VPS13A: variants seen among roughly 807,000 people sequenced by gnomAD.
VPS13A encodes the protein intermembrane lipid transfer protein VPS13A.
In VPS13A, 264 loss-of-function variants were observed where a neutral mutation model predicts 390.9. That is an observed-to-expected ratio of 0.68 (90% CI 0.61 to 0.75). VPS13A has a LOEUF of 0.75. Among genes scored for constraint, VPS13A ranks in the 30% least tolerant of loss-of-function variants. The pLI is 0.00. For synonymous variants in VPS13A, 1,231 were observed against 1,227.1 expected, an observed-to-expected ratio of 1.00 and a Z score of -0.07; for missense variants, 3,409 against 3,733.9, an observed-to-expected ratio of 0.91 and a Z score of 2.27.
In VPS13A at chr9:77,356,765, A is replaced by G; in HGVS notation, c.7704A>G (p.Pro2568=). The part of the protein sequence containing the change: ...TKPKKKARWK[P]MSVKHTEKLE... Reference sequence around the variant, plus strand: ...CCAAGAAGAAGGCAAGATGGAAGCCAATGAGTGTAAAGCACACTGAGAAGT... The same window carrying G: ...CCAAGAAGAAGGCAAGATGGAAGCCGATGAGTGTAAAGCACACTGAGAAGT... Residue 2568 remains proline (P), a synonymous_variant, in exon 55 of 72, where the codon CCA becomes CCG. Transcript: ENST00000360280. 6.2e-7 allele frequency: 1 copy of G among 1,613,854 alleles called. No homozygotes were observed. Among genetic ancestry groups the G allele is most frequent in the Non-Finnish European group, 8.5e-7 (1 of 1,179,866 alleles).
chr9:77,273,054 T>C (rs916175855), intron 23 of VPS13A, among the ~76,000 whole-genome samples: 6 of 152,190 alleles, frequency 3.9e-5, no homozygotes, highest in African/African-American at 1.2e-4. Context: ...AGGACATTAT[T>C]AAAACAGTTC....
chr9:77,222,393 C>T (rs143644607), intron 13 of VPS13A, among the ~76,000 whole-genome samples: 4,189 of 152,198 alleles, frequency 0.028, 84 homozygotes, highest in Non-Finnish European at 0.038. Context: ...ATGGGTATGT[C>T]AAGATAGCTG....
intron 67 of VPS13A, among the ~76,000 whole-genome samples, chr9:77,376,933 AT>A (rs1341612252): frequency 6.6e-6 from 1 of 152,176 alleles, no homozygotes; most frequent in East Asian, 1.9e-4. Context: ...CTAAAAAGAA[AT>A]GGTCATTAAG....
At chr9:77,396,169 T>G (rs998354399) in intron 68 of VPS13A, among the ~76,000 whole-genome samples, 19 of 152,230 alleles carry the variant, frequency 1.2e-4, no homozygotes, top group African/African-American at 4.3e-4. Flanking sequence ...CTGTTGTCAG[T>G]ACATATAACT....
chr9:77,398,886 A>G (rs1480516016), intron 68 of VPS13A, among the ~76,000 whole-genome samples: 2 of 151,358 alleles, frequency 1.3e-5, no homozygotes, highest in Non-Finnish European at 2.9e-5. Context: ...ATGAAATTGG[A>G]AACCATCATT....
At chr9:77,409,032 G>T (rs979125893) in intron 71 of VPS13A, among the ~76,000 whole-genome samples, 1 of 152,176 alleles carries the variant, frequency 6.6e-6, no homozygotes, top group African/African-American at 2.4e-5. Context: ...GAGCCTAACT[G>T]GGAGGCACCC....
Position 77,323,118 on chromosome 9 carries a change from G to A in VPS13A, c.5882G>A (p.Arg1961Gln), listed in dbSNP as rs767419110. Residue 1961 changes from arginine to glutamine, a missense_variant, in exon 45 of 72, where the codon CGA (arginine) becomes CAA (glutamine). Arg to Gln is a conservative substitution (Grantham distance 43). This residue lies in a region of VPS13A where 2,717 missense variants were observed against 2,917.4 expected (regional missense o/e 0.93). Transcript: ENST00000360280. ...ADKIPLTKVG[R>Q]RLYTVRHRES... ...AAGATTCCTTTAACAAAAGTGGGAC[G>A]ACGTCTGTACACTGTAAGACACAGA... 5.0e-6 allele frequency: 8 copies of A among 1,612,888 alleles called. No individual in the cohort carries two copies. The highest frequency in any genetic ancestry group is 2.7e-5 in the African/African-American group (2 of 74,842).
At chr9:77,352,045 T>C (rs1831503320) in intron 53 of VPS13A, among the ~76,000 whole-genome samples, 1 of 152,212 alleles carries the variant, frequency 6.6e-6, no homozygotes, top group African/African-American at 2.4e-5. Flanking sequence ...CATTTGCTTC[T>C]ACTGTGTTAT....
intron 61 of VPS13A, among the ~76,000 whole-genome samples, chr9:77,367,734 AC>A (rs1231715389): frequency 6.6e-6 from 1 of 152,216 alleles, no homozygotes; most frequent in East Asian, 1.9e-4. Flanking sequence ...CCATGATAGG[AC>A]AGAATTGGGA....
At chr9:77,376,394 G>A (rs1247259032) in intron 67 of VPS13A, among the ~76,000 whole-genome samples, 2 of 152,148 alleles carry the variant, frequency 1.3e-5, no homozygotes, top group Non-Finnish European at 2.9e-5. Context: ...CGTAACCACA[G>A]GGGATTAGGG....
rs771917443 is a variant in VPS13A, at chr9:77,321,147, T to C, written c.5416-22T>C. 9.3e-6 allele frequency: 15 copies of C among 1,605,774 alleles called. 1 individual carries two copies. In the East Asian group the frequency reaches 3.1e-4, roughly 34 times the overall value. On this transcript the variant is annotated intron_variant, in intron 42 of 71. Transcript: ENST00000360280. ...TGTGTTCTTAGAATTTTTCCTTATA[T>C]TTCTATGATTTATCATTTTAGATGA...
At chr9:77,252,384 T>C in intron 22 of VPS13A, 32 bp downstream of exon 22, 1 of 1,539,154 alleles carries the variant, frequency 6.5e-7, no homozygotes, top group Non-Finnish European at 9.0e-7. Context: ...TGAATATGGA[T>C]TTTCTGGGTA....
intron 71 of VPS13A, among the ~76,000 whole-genome samples, chr9:77,415,316 C>G (rs562895714): frequency 3.9e-5 from 6 of 152,102 alleles, no homozygotes; most frequent in South Asian, 2.1e-4. Flanking sequence ...TCTTTGTCTC[C>G]CTATCTTAGG....
Position 77,250,204 on chromosome 9 carries a change from T to C in VPS13A, c.2145T>C (p.Ser715=), listed in dbSNP as rs781229838. ...AYDSFDIQLT[S]VQLLYSRVGD... ...ATTCATTTGATATTCAACTTACAAG[T>C]GTACAGCTGCTTTACAGTAGAGTTG... The change falls in exon 21 of 72, where the codon AGT becomes AGC. Residue 715 remains serine, a synonymous_variant. Transcript: ENST00000360280. 24 of 1,613,650 alleles carry C rather than the reference T, an allele frequency of 1.5e-5. No homozygotes were observed. Among genetic ancestry groups the C allele is most frequent in the Non-Finnish European group, 1.7e-6 (2 of 1,179,908 alleles).
chr9:77,321,291 C>T lies in VPS13A; in HGVS notation c.5538C>T (p.Ser1846=). ...HSKDQLNITL[S]KCGLVMLNNL... Reference sequence around the variant, plus strand: ...AAGACCAATTAAACATTACATTATCCAAATGTGGTCTTGTAATGTTAAACA... The same window carrying T: ...AAGACCAATTAAACATTACATTATCTAAATGTGGTCTTGTAATGTTAAACA... The change falls in exon 43 of 72, where the codon TCC becomes TCT. Residue 1846 remains serine (S), a synonymous_variant. Transcript: ENST00000360280. 6 of 1,608,610 alleles carry T rather than the reference C, an allele frequency of 3.7e-6. No homozygotes were observed. Among genetic ancestry groups the T allele is most frequent in the Non-Finnish European group, 5.1e-6 (6 of 1,176,384 alleles).
At position 77,371,194 on chromosome 9, in the gene VPS13A, A is replaced by C. The variant is rs375789773; in HGVS notation, c.9077+45A>C. The C allele has an allele frequency of 4.3e-5, 70 of 1,612,258 alleles. No homozygotes were observed. The African/African-American group carries it at 8.1e-4, about 19-fold the overall frequency. On this transcript the variant is annotated intron_variant, in intron 67 of 71. Transcript: ENST00000360280. ...AGATATGAGTTAAAATGCTGAAGCC[A>C]TGAGAAATGGAATTTATCTGCTCTT...
intron 54 of VPS13A, among the ~76,000 whole-genome samples, chr9:77,354,212 A>C (rs566104598): frequency 6.6e-6 from 1 of 152,208 alleles, no homozygotes; most frequent in Non-Finnish European, 1.5e-5. Context: ...AACCAGGATA[A>C]TGTAATTTTA....
At chr9:77,341,752 C>G (rs1830838875) in intron 50 of VPS13A, among the ~76,000 whole-genome samples, 1 of 80,838 alleles carries the variant, frequency 1.2e-5, no homozygotes, top group Non-Finnish European at 2.3e-5. Context: ...CTATTTAAGT[C>G]TTCAACTGAG....
At chr9:77,359,238 A>G in intron 57 of VPS13A, 95 bp from the exon 58 acceptor site, 1 of 995,150 alleles carries the variant, frequency 1.0e-6, no homozygotes, top group Non-Finnish European at 1.5e-6. Flanking sequence ...TTATTTAGTA[A>G]ATGATTTAAT....
Sources: allele counts gnomAD v4.1 joint callset (sites outside exome capture counted in the v4.1 genomes callset), GRCh38; gene constraint gnomAD v4.1.1; regional missense constraint gnomAD v4.1.1; transcripts MANE v1.5; gene names NCBI Gene and HGNC (gene_info 2026-07-23, HGNC 2026-07-21).